The following GMDS variants were observed in gnomAD, a reference collection of about 807,000 sequenced individuals.
GMDS encodes GDP-mannose 4,6-dehydratase, also known as GDP-mannose 4,6 dehydratase.
Under a neutral mutation model 49.9 loss-of-function variants are expected in GMDS, and 20 were observed. The ratio of observed to expected loss-of-function variants is 0.40; its 90% CI spans 0.28 to 0.58. The LOEUF (loss-of-function observed/expected upper bound fraction) is 0.58. Among genes scored for constraint, GMDS ranks in the 20% least tolerant of loss-of-function variants. GMDS has a pLI of 0.42. For synonymous variants in GMDS, 177 were observed against 178.6 expected (o/e 0.99, Z 0.07); for missense variants, 362 against 481.4 (o/e 0.75, Z 2.32).
intron 7 of GMDS, among the ~76,000 whole-genome samples, chr6:1,883,942 A>G (rs1389301018): frequency 6.6e-6 from 1 of 152,188 alleles, no homozygotes; most frequent in East Asian, 1.9e-4. Context: ...TTTATTACCT[A>G]GTTTTAATCC....
intron 1 of GMDS, among the ~76,000 whole-genome samples, chr6:2,186,144 G>A (rs1478520984): frequency 6.6e-6 from 1 of 152,144 alleles, no homozygotes; most frequent in East Asian, 1.9e-4. Flanking sequence ...AATGAAATTT[G>A]CCATGTAAAA....
chr6:2,011,899 G>A (rs1261814793), intron 4 of GMDS, among the ~76,000 whole-genome samples: 1 of 152,322 alleles, frequency 6.6e-6, no homozygotes, highest in African/African-American at 2.4e-5. Flanking sequence ...CTTGTCTACA[G>A]CAAGACTCTG....
At chr6:1,675,176 A>G (rs915940671) in intron 9 of GMDS, among the ~76,000 whole-genome samples, 2 of 152,168 alleles carry the variant, frequency 1.3e-5, no homozygotes, top group East Asian at 1.9e-4. Flanking sequence ...ACCTCAGGTG[A>G]TCTGCCTGCC....
chr6:1,939,596 CACAT>C (rs1472369509), intron 6 of GMDS, among the ~76,000 whole-genome samples: 1 of 84,134 alleles, frequency 1.2e-5, no homozygotes, highest in South Asian at 3.1e-4. Flanking sequence ...CACACACACA[CACAT>C]ATACACATAC....
intron 7 of GMDS, among the ~76,000 whole-genome samples, chr6:1,920,687 G>C (rs572124003): frequency 6.6e-6 from 1 of 152,250 alleles, no homozygotes; most frequent in East Asian, 1.9e-4. Context: ...AGTCAGTTTA[G>C]TTCATATTTT....
intron 9 of GMDS, among the ~76,000 whole-genome samples, chr6:1,632,690 A>G (rs545607347): frequency 1.3e-5 from 2 of 152,222 alleles, no homozygotes; most frequent in East Asian, 3.9e-4. Context: ...CAGCCTGGGC[A>G]GTATGGCAGG....
At chr6:2,025,952 T>G (rs948256596) in intron 4 of GMDS, among the ~76,000 whole-genome samples, 2 of 152,240 alleles carry the variant, frequency 1.3e-5, no homozygotes, top group African/African-American at 4.8e-5. Flanking sequence ...AAAAAAAAGA[T>G]TTTTAACTGC....
chr6:1,693,781 C>G (rs1434499662), intron 9 of GMDS, among the ~76,000 whole-genome samples: 2 of 152,154 alleles, frequency 1.3e-5, no homozygotes, highest in African/African-American at 4.8e-5. Context: ...CTGTTACTAG[C>G]AAGCACAGTT....
At chr6:1,700,754 C>T (rs1457122224) in intron 9 of GMDS, among the ~76,000 whole-genome samples, 1 of 152,184 alleles carries the variant, frequency 6.6e-6, no homozygotes, top group Non-Finnish European at 1.5e-5. Context: ...ACACCTCGCG[C>T]TGTCCCTCCT....
At chr6:1,857,673 G>C (rs931003285) in intron 7 of GMDS, among the ~76,000 whole-genome samples, 1 of 152,018 alleles carries the variant, frequency 6.6e-6, no homozygotes, top group African/African-American at 2.4e-5. Context: ...TACCTTTTTT[G>C]CATTATCGAA....
rs569360676 is a variant in GMDS at position 2,168,386 on chromosome 6, A to G, written c.103-43655T>C. ...CTGAGATCCATGAGTAGAAGAAACA[A>G]GGAGCAAAGCAAAAGGTCACTTCCC... On this transcript the variant is annotated intron_variant, in intron 1 of 10. Transcript: ENST00000380815. Among the ~76,000 whole-genome samples, 8 of 152,364 alleles carry G rather than the reference A, an allele frequency of 5.3e-5. No homozygotes were observed. In the East Asian group the frequency reaches 1.5e-3, roughly 29 times the overall value.
At chr6:1,730,748 G>A (rs138327786) in intron 8 of GMDS, among the ~76,000 whole-genome samples, 1,588 of 152,228 alleles carry the variant, frequency 0.01, 19 homozygotes, top group Non-Finnish European at 0.016. Context: ...AAAAGGCCCC[G>A]TCAAGTCCTC....
At chr6:2,071,281 C>T (rs1771978857) in intron 4 of GMDS, among the ~76,000 whole-genome samples, 1 of 152,170 alleles carries the variant, frequency 6.6e-6, no homozygotes, top group Non-Finnish European at 1.5e-5. Flanking sequence ...TTTCAGCTGT[C>T]TTTATTTTTC....
chr6:1,909,875 CAT>C (rs1376811722), intron 7 of GMDS, among the ~76,000 whole-genome samples: 1 of 152,182 alleles, frequency 6.6e-6, no homozygotes, highest in African/African-American at 2.4e-5. Context: ...TTCAGGATTC[CAT>C]AACCGTAGTT....
chr6:1,904,368 T>C (rs1760650286), intron 7 of GMDS, among the ~76,000 whole-genome samples: 1 of 152,276 alleles, frequency 6.6e-6, no homozygotes, highest in South Asian at 2.1e-4. Flanking sequence ...GGCTGCTCTG[T>C]GTGGCCGTCT....
intron 4 of GMDS, among the ~76,000 whole-genome samples, chr6:2,028,815 G>A (rs906948421): frequency 3.3e-5 from 5 of 152,078 alleles, no homozygotes; most frequent in Admixed American, 3.3e-4. Flanking sequence ...TGATTTATGT[G>A]TTCATAATAG....
intron 7 of GMDS, among the ~76,000 whole-genome samples, chr6:1,896,797 G>C (rs894984746): frequency 6.6e-6 from 1 of 152,126 alleles, no homozygotes; most frequent in African/African-American, 2.4e-5. Context: ...GCCATCAAGC[G>C]TCTACACTGC....
At chr6:1,788,552 C>T (rs1769408867) in intron 7 of GMDS, among the ~76,000 whole-genome samples, 1 of 152,122 alleles carries the variant, frequency 6.6e-6, no homozygotes, top group Admixed American at 6.5e-5. Context: ...GGAAGGGGAA[C>T]AATAAGACCT....
chr6:1,697,397 A>C (rs6925915), intron 9 of GMDS, among the ~76,000 whole-genome samples: 149,686 of 152,338 alleles, frequency 0.98, 73,586 homozygotes, highest in South Asian at 1. Flanking sequence ...ATTTTCAGCA[A>C]GAATAATCCT....
Sources: gnomAD v4.1 joint callset for allele counts (sites outside exome capture counted in the v4.1 genomes callset) on GRCh38, gnomAD v4.1.1 for gene constraint, MANE v1.5 for transcripts, NCBI Gene and HGNC (gene_info 2026-07-23, HGNC 2026-07-21) for gene names.